The following RP1 variants were observed in gnomAD, a reference collection of about 807,000 sequenced individuals.
The protein encoded by RP1 is oxygen-regulated protein 1.
A neutral mutation model predicts 14.8 loss-of-function variants in RP1; 16 were observed. The ratio of observed to expected loss-of-function variants is 1.08; its 90% CI spans 0.73 to 1.65. RP1 has a LOEUF of 1.65. Ranked by LOEUF, RP1 falls within the 40% of genes most tolerant of loss-of-function variation. RP1 has a pLI of 0.00. For synonymous variants in RP1, 876 were observed against 883.6 expected (o/e 0.99, Z 0.15); for missense variants, 2,631 against 2,535.0 (o/e 1.04, Z -0.81).
chr8:54,789,470 G>A (rs1232631509), intron 24 of RP1, among the ~76,000 whole-genome samples: 1 of 152,124 alleles, frequency 6.6e-6, no homozygotes, highest in Non-Finnish European at 1.5e-5. Context: ...AACCCAGCCT[G>A]TGATTCCACC....
intron 24 of RP1, among the ~76,000 whole-genome samples, chr8:54,788,093 T>C (rs568496732): frequency 1.2e-4 from 19 of 152,300 alleles, no homozygotes; most frequent in Middle Eastern, 3.4e-3. Context: ...GTAGACTTCC[T>C]GATAGGATGG....
chr8:54,599,943 G>A (rs1488738037), intron 1 of RP1, among the ~76,000 whole-genome samples: 1 of 152,186 alleles, frequency 6.6e-6, no homozygotes, highest in South Asian at 2.1e-4. Flanking sequence ...TTTACTACCA[G>A]ATGTGGATGG....
intron 16 of RP1, among the ~76,000 whole-genome samples, chr8:54,724,495 G>C (rs867880994): frequency 9.9e-5 from 15 of 152,042 alleles, no homozygotes; most frequent in South Asian, 4.2e-4. Context: ...TACACCTTTT[G>C]ATAACATCTC....
intron 24 of RP1, among the ~76,000 whole-genome samples, chr8:54,787,452 C>T (rs1810349125): frequency 1.3e-5 from 2 of 152,014 alleles, no homozygotes; most frequent in Admixed American, 6.6e-5. Flanking sequence ...ACTGCTTTAT[C>T]TAGGGGGCGT....
chr8:54,673,385 G>T (rs1457350439), intron 7 of RP1, among the ~76,000 whole-genome samples: 1 of 152,098 alleles, frequency 6.6e-6, no homozygotes, highest in Non-Finnish European at 1.5e-5. Context: ...TCTGTATTCT[G>T]AATATATAAA....
chr8:54,783,939 C>T (rs1810253117), intron 24 of RP1, among the ~76,000 whole-genome samples: 1 of 152,088 alleles, frequency 6.6e-6, no homozygotes, highest in Admixed American at 6.6e-5. Flanking sequence ...AGGCAAAAAA[C>T]TACATGCATT....
chr8:54,688,901 G>A (rs1302926031), intron 12 of RP1, among the ~76,000 whole-genome samples: 1 of 152,242 alleles, frequency 6.6e-6, no homozygotes, highest in Non-Finnish European at 1.5e-5. Flanking sequence ...ATTACCTTGG[G>A]CAGTATGGCC....
At chr8:54,839,255 T>C (rs1811737065) in intron 25 of RP1, among the ~76,000 whole-genome samples, 1 of 152,196 alleles carries the variant, frequency 6.6e-6, no homozygotes, top group South Asian at 2.1e-4. Context: ...GAATGACACA[T>C]TTTCATCTTC....
intron 12 of RP1, among the ~76,000 whole-genome samples, chr8:54,695,065 A>G (rs1335644072): frequency 6.6e-6 from 1 of 151,974 alleles, no homozygotes; most frequent in African/African-American, 2.4e-5. Flanking sequence ...TTCTGCCTTC[A>G]TTTCGTTATG....
At chr8:54,800,113 G>A (rs1484014067) in intron 24 of RP1, among the ~76,000 whole-genome samples, 1 of 151,958 alleles carries the variant, frequency 6.6e-6, no homozygotes, top group African/African-American at 2.4e-5. Flanking sequence ...TACTGGATAT[G>A]GAATTCTGGA....
chr8:54,781,829 C>T (rs1030295308), intron 23 of RP1, among the ~76,000 whole-genome samples: 3 of 151,926 alleles, frequency 2.0e-5, no homozygotes, highest in African/African-American at 7.3e-5. Flanking sequence ...TTAGTTATTC[C>T]ACCCTTAAGG....
intron 12 of RP1, among the ~76,000 whole-genome samples, chr8:54,695,682 A>G (rs976946456): frequency 3.9e-5 from 6 of 152,142 alleles, no homozygotes; most frequent in African/African-American, 1.4e-4. Context: ...TCATTTGAGA[A>G]TTCTTGCCTT....
intron 12 of RP1, among the ~76,000 whole-genome samples, chr8:54,694,548 G>A (rs927641414): frequency 1.7e-4 from 26 of 152,184 alleles, no homozygotes; most frequent in Admixed American, 7.2e-4. Flanking sequence ...TTAGTCTTGG[G>A]AGGGTATATG....
chr8:54,610,720 C>T (rs1204821452), intron 1 of RP1, among the ~76,000 whole-genome samples: 2 of 152,182 alleles, frequency 1.3e-5, no homozygotes, highest in East Asian at 1.9e-4. Context: ...ACAGCCAATC[C>T]ATATCCAATC....
intron 24 of RP1, among the ~76,000 whole-genome samples, chr8:54,793,991 T>C (rs1429452326): frequency 6.6e-6 from 1 of 151,846 alleles, no homozygotes; most frequent in Non-Finnish European, 1.5e-5. Flanking sequence ...AATCAACATT[T>C]AAAAAATCTG....
rs200567571 is a variant in RP1, at chr8:54,821,671, G to GA, written c.3616-15769dup. Among the ~76,000 whole-genome samples, 49 of 149,668 alleles carry GA rather than the reference G, an allele frequency of 3.3e-4. No individual in the cohort carries two copies. In the South Asian group the frequency reaches 6.4e-3, roughly 19 times the overall value. On this transcript the variant is annotated intron_variant, in intron 24 of 28. Coordinates refer to the RP1 transcript ENST00000637698. ...AAGAGCAACTTAATGTGTTAAACTGGAAAAAAAAAATTAGTATGAACTCAT... is the reference window on the plus strand; with the variant it reads ...AAGAGCAACTTAATGTGTTAAACTGGAAAAAAAAAAATTAGTATGAACTCAT...
intron 1 of RP1, among the ~76,000 whole-genome samples, chr8:54,603,023 T>C (rs960482842): frequency 9.8e-5 from 15 of 152,296 alleles, no homozygotes; most frequent in South Asian, 4.1e-4. Context: ...TTCTGCTGTG[T>C]GGAAGCTCTT....
Position 54,619,385 on chromosome 8 carries a change from C to T in RP1, c.-12-1570C>T, listed in dbSNP as rs182662687. Reference sequence around the variant, plus strand: ...CAATGATAAACATGCCTTTTTCCATCTCTGTATTACCAATCACATTAATTT... The same window carrying T: ...CAATGATAAACATGCCTTTTTCCATTTCTGTATTACCAATCACATTAATTT... On this transcript the variant is annotated intron_variant, in intron 1 of 3. Transcript: ENST00000220676. Among the ~76,000 whole-genome samples the T allele has an allele frequency of 3.0e-3, 456 of 152,328 alleles. 1 individual carries two copies. Among genetic ancestry groups the T allele is most frequent in the Non-Finnish European group, 5.1e-3 (350 of 68,016 alleles).
chr8:54,683,551 TTC>T (rs1807483851), intron 12 of RP1, among the ~76,000 whole-genome samples: 2 of 152,208 alleles, frequency 1.3e-5, no homozygotes, highest in Non-Finnish European at 2.9e-5. Context: ...AGGTAGTTTA[TTC>T]TCTTTGTAGC....
Sources: allele counts gnomAD v4.1 joint callset (sites outside exome capture counted in the v4.1 genomes callset), GRCh38; gene constraint gnomAD v4.1.1; transcripts MANE v1.5; gene names NCBI Gene and HGNC (gene_info 2026-07-23, HGNC 2026-07-21).